The following PARP8 variants were observed in gnomAD, a reference collection of about 807,000 sequenced individuals.
The protein encoded by PARP8 is protein mono-ADP-ribosyltransferase PARP8.
In PARP8, 51 loss-of-function variants were observed where a neutral mutation model predicts 124.1. That is an observed-to-expected ratio of 0.41 (90% confidence interval 0.33 to 0.52). PARP8 has a LOEUF of 0.52. Ranked by LOEUF, PARP8 falls within the 20% of genes least tolerant of loss-of-function variation. PARP8 has a pLI of 0.21. For synonymous variants in PARP8, 391 were observed against 361.5 expected (o/e 1.08, Z -0.93); for missense variants, 860 against 1,018.9 (o/e 0.84, Z 2.12).
chr5:50,813,962 A>G (rs934756119), intron 14 of PARP8, among the ~76,000 whole-genome samples: 2 of 152,188 alleles, frequency 1.3e-5, no homozygotes, highest in Non-Finnish European at 2.9e-5. Context: ...GATTTTAATC[A>G]TATAAAAGTG....
rs2149741676 is a variant in PARP8 at position 50,845,736 on chromosome 5, A to T, written c.*3668A>T. ...TTGAAATTAATTAGTCTATTTTGAG[A>T]TTGATTTTCTACGTGGGCCAATTTT... is the stretch of plus-strand genomic sequence containing the variant. On this transcript the variant is annotated 3_prime_UTR_variant, in exon 26 of 26. Transcript: ENST00000281631. The T allele has an allele frequency of 6.6e-6, 1 of 151,824 alleles. No homozygotes were observed. Among genetic ancestry groups the T allele is most frequent in the African/African-American group, 2.4e-5 (1 of 41,508 alleles). 9.4% of individuals were successfully genotyped at this position (151,824 alleles called of 1,614,324 possible).
rs189825059 is a variant in PARP8, at chr5:50,824,144, C to T, written c.1861-764C>T. On this transcript the variant is annotated intron_variant, in intron 17 of 25. Transcript: ENST00000281631. ...TTTAAATACTTTTTAGAGAAGGCTTCGTCTTAGGTAAATTGTGTCCAATTT... is the reference window on the plus strand; with the variant it reads ...TTTAAATACTTTTTAGAGAAGGCTTTGTCTTAGGTAAATTGTGTCCAATTT... Among the ~76,000 whole-genome samples, 36 of 152,270 alleles carry T rather than the reference C, an allele frequency of 2.4e-4. 1 individual carries two copies. The East Asian group carries it at 6.0e-3, about 25-fold the overall frequency.
chr5:50,716,698 C>A (rs912958216), intron 2 of PARP8, among the ~76,000 whole-genome samples: 11 of 151,992 alleles, frequency 7.2e-5, no homozygotes, highest in Admixed American at 2.0e-4. Flanking sequence ...TAGGAAATTT[C>A]TTTAACATGG....
At chr5:50,758,726 C>G (rs566300467) in intron 3 of PARP8, among the ~76,000 whole-genome samples, 1 of 152,200 alleles carries the variant, frequency 6.6e-6, no homozygotes, top group South Asian at 2.1e-4. Context: ...GGTCAAAAAG[C>G]TCTTCTGAGA....
At chr5:50,784,286 A>G (rs537329955) in intron 9 of PARP8, among the ~76,000 whole-genome samples, 26 of 152,284 alleles carry the variant, frequency 1.7e-4, no homozygotes, top group African/African-American at 6.0e-4. Context: ...TACGAATTGA[A>G]GACATATACC....
intron 2 of PARP8, among the ~76,000 whole-genome samples, chr5:50,681,554 T>G (rs1751293420): frequency 6.6e-6 from 1 of 152,126 alleles, no homozygotes; most frequent in Non-Finnish European, 1.5e-5. Context: ...TCTTACAGCT[T>G]TAAATCATCT....
At chr5:50,722,651 A>AATGGGATTTGGTGAAAATAGAGTG (rs1756017221) in intron 2 of PARP8, among the ~76,000 whole-genome samples, 1 of 152,094 alleles carries the variant, frequency 6.6e-6, no homozygotes, top group African/African-American at 2.4e-5. Flanking sequence ...CTGGAATCCA[A>AATGGGATTTGGTGAAAATAGAGTG]CTGTGTGCCC....
intron 9 of PARP8, among the ~76,000 whole-genome samples, 185 bp downstream of exon 9, chr5:50,778,835 G>A (rs573996349): frequency 2.3e-4 from 35 of 152,164 alleles, no homozygotes; most frequent in Admixed American, 1.3e-3. Context: ...AAACAGAAAC[G>A]TAAGATTTCA....
In PARP8 at chr5:50,764,623, A is replaced by C. The variant is rs529596772; in HGVS notation, c.518+1381A>C. ...AATTGAGTGAAAGTGTTGGGATTAT[A>C]TTTGGAAAAGCAAGTCTTCTCTTTG... is the stretch of plus-strand genomic sequence containing the variant. On this transcript the variant is annotated intron_variant, in intron 7 of 25. Transcript: ENST00000281631. Among the ~76,000 whole-genome samples the C allele has an allele frequency of 1.1e-4, 16 of 152,326 alleles. 1 individual carries two copies. The South Asian group carries it at 3.3e-3, about 32-fold the overall frequency.
intron 2 of PARP8, among the ~76,000 whole-genome samples, chr5:50,697,025 T>C (rs1435158426): frequency 2.0e-5 from 3 of 152,024 alleles, no homozygotes; most frequent in Non-Finnish European, 4.4e-5. Context: ...TCCCAGCACT[T>C]TGGGAGGCTG....
intron 12 of PARP8, among the ~76,000 whole-genome samples, chr5:50,796,340 T>G (rs569346384): frequency 3.5e-4 from 53 of 152,360 alleles, no homozygotes; most frequent in South Asian, 1.7e-3. Flanking sequence ...TAAACTATAC[T>G]GTATATTTAT....
At chr5:50,835,071 G>A in intron 25 of PARP8, 56 bp downstream of exon 25, 1 of 1,457,552 alleles carries the variant, frequency 6.9e-7, no homozygotes, top group South Asian at 1.2e-5. Flanking sequence ...ATGGGTTAGT[G>A]GTGACTGAAT....
rs759585530 is a variant in PARP8, at chr5:50,835,028, G to C, written c.2462+13G>C. On this transcript the variant is annotated intron_variant, in intron 25 of 25. Transcript: ENST00000281631. ...GATTCTTTTTCGTGTAAGTGGAAAT[G>C]CTCAAATTTGTATATTACTGTCTTT... is the stretch of plus-strand genomic sequence containing the variant. 6.2e-7 allele frequency: 1 copy of C among 1,606,702 alleles called. No homozygotes were observed. Among genetic ancestry groups the C allele is most frequent in the Non-Finnish European group, 8.5e-7 (1 of 1,174,608 alleles).
chr5:50,708,727 T>A (rs1487434097), intron 2 of PARP8, among the ~76,000 whole-genome samples: 2 of 148,872 alleles, frequency 1.3e-5, no homozygotes, highest in African/African-American at 5.2e-5. Flanking sequence ...GCTTGGTGTT[T>A]ACTGCAAAGC....
intron 7 of PARP8, among the ~76,000 whole-genome samples, chr5:50,768,790 T>G (rs1228929934): frequency 6.6e-6 from 1 of 152,156 alleles, no homozygotes; most frequent in Non-Finnish European, 1.5e-5. Context: ...ACTGGGTCGC[T>G]GCATCTGGAC....
At chr5:50,725,109 A>G (rs1312828655) in intron 2 of PARP8, among the ~76,000 whole-genome samples, 1 of 151,008 alleles carries the variant, frequency 6.6e-6, no homozygotes, top group African/African-American at 2.4e-5. Flanking sequence ...ATGTGTATGT[A>G]TACTATATAT....
intron 2 of PARP8, among the ~76,000 whole-genome samples, chr5:50,717,654 A>G (rs1176246232): frequency 6.6e-6 from 1 of 152,000 alleles, no homozygotes; most frequent in Non-Finnish European, 1.5e-5. Flanking sequence ...CTAAGCAAGA[A>G]GATGGGTTCT....
intron 3 of PARP8, among the ~76,000 whole-genome samples, chr5:50,759,070 T>A (rs1760267165): frequency 6.6e-6 from 1 of 152,118 alleles, no homozygotes; most frequent in Admixed American, 6.5e-5. Context: ...GATTTGATAA[T>A]GAATCTTTCC....
chr5:50,780,446 G>A (rs1424687839), intron 9 of PARP8, among the ~76,000 whole-genome samples: 1 of 152,132 alleles, frequency 6.6e-6, no homozygotes, highest in African/African-American at 2.4e-5. Flanking sequence ...AGATGATACT[G>A]AAGCATGCTT....
Sources: gnomAD v4.1 joint callset for allele counts (sites outside exome capture counted in the v4.1 genomes callset) on GRCh38, gnomAD v4.1.1 for gene constraint, MANE v1.5 for transcripts, NCBI Gene and HGNC (gene_info 2026-07-23, HGNC 2026-07-21) for gene names.